Variants in RFX3 observed in about 807,000 individuals in gnomAD.
RFX3 encodes regulatory factor X3, also known as transcription factor RFX3.
RFX3 carries 14 observed loss-of-function variants against 98.6 expected under a neutral mutation model. That is an observed-to-expected ratio of 0.14 (90% confidence interval 0.09 to 0.22). The LOEUF is 0.22. RFX3 is among the 10% of genes least tolerant of loss of function. The pLI is 1.00. For missense variants in RFX3, 639 were observed against 926.9 expected (o/e 0.69, Z 4.03); for synonymous variants, 383 against 328.4 (o/e 1.17, Z -1.80).
intron 1 of RFX3, among the ~76,000 whole-genome samples, chr9:3,401,955 G>C (rs767229452): frequency 6.6e-6 from 1 of 152,166 alleles, no homozygotes; most frequent in African/African-American, 2.4e-5. Context: ...GTAAAACCTA[G>C]GCAAAGCAAA....
intron 11 of RFX3, among the ~76,000 whole-genome samples, chr9:3,266,643 A>G (rs1015950324): frequency 6.6e-6 from 1 of 152,014 alleles, no homozygotes; most frequent in East Asian, 1.9e-4. Flanking sequence ...CCTTTCATTA[A>G]CAGTTTTGTG....
intron 1 of RFX3, among the ~76,000 whole-genome samples, chr9:3,411,242 C>A (rs1218401111): frequency 2.0e-5 from 3 of 152,136 alleles, no homozygotes; most frequent in African/African-American, 7.2e-5. Flanking sequence ...TACATAAATT[C>A]TTTTTCAATT....
At chr9:3,311,790 A>C (rs1012252893) in intron 4 of RFX3, among the ~76,000 whole-genome samples, 1 of 152,172 alleles carries the variant, frequency 6.6e-6, no homozygotes, top group African/African-American at 2.4e-5. Flanking sequence ...AGGCTGAGGC[A>C]GGACAATCGC....
At chr9:3,523,047 C>A (rs557058911) in intron 1 of RFX3, among the ~76,000 whole-genome samples, 1 of 152,128 alleles carries the variant, frequency 6.6e-6, no homozygotes, top group South Asian at 2.1e-4. Flanking sequence ...TGCAAAACTT[C>A]TAGAAATTCA....
intron 2 of RFX3, among the ~76,000 whole-genome samples, chr9:3,383,059 A>G (rs1839356218): frequency 6.6e-6 from 1 of 152,166 alleles, no homozygotes; most frequent in African/African-American, 2.4e-5. Flanking sequence ...CTTTTAATAC[A>G]ACTTCAGATT....
intron 1 of RFX3, among the ~76,000 whole-genome samples, chr9:3,498,524 T>G (rs2081637673): frequency 6.6e-6 from 1 of 152,066 alleles, no homozygotes; most frequent in South Asian, 2.1e-4. Context: ...TACAGTACAC[T>G]TTTAAGTTGT....
chr9:3,356,670 A>T (rs984698391), intron 2 of RFX3, among the ~76,000 whole-genome samples: 1 of 151,966 alleles, frequency 6.6e-6, no homozygotes, highest in Non-Finnish European at 1.5e-5. Flanking sequence ...AAAAGACATT[A>T]CAAGAAAAGA....
rs1348913813 is a variant in RFX3, at chr9:3,221,956, G to T, written c.*3086C>A. Reference sequence around the variant, plus strand: ...GAAATACAAAGAAGTCTTAAAATGTGTACTTGTGTCATTTGTGAATAAATC... The same window carrying T: ...GAAATACAAAGAAGTCTTAAAATGTTTACTTGTGTCATTTGTGAATAAATC... On this transcript the variant is annotated 3_prime_UTR_variant, in exon 17 of 17. Coordinates refer to ENST00000617270, the MANE Select transcript of RFX3 (RefSeq NM_001282116.2). 6.6e-6 allele frequency: 1 copy of T among 152,084 alleles called. No homozygotes were observed. The highest frequency in any genetic ancestry group is 1.5e-5 in the Non-Finnish European group (1 of 67,994). The allele number at this position is 152,084 out of a possible 1,614,324, so 9.4% of individuals were successfully genotyped here.
intron 1 of RFX3, among the ~76,000 whole-genome samples, chr9:3,489,981 G>A (rs1398879936): frequency 6.6e-6 from 1 of 151,886 alleles, no homozygotes; most frequent in African/African-American, 2.4e-5. Flanking sequence ...ATTCTCTTCT[G>A]GTTTTTACAG....
At chr9:3,519,503 C>G (rs915645244) in intron 1 of RFX3, among the ~76,000 whole-genome samples, 1 of 152,130 alleles carries the variant, frequency 6.6e-6, no homozygotes, top group Non-Finnish European at 1.5e-5. Context: ...AAAGCCAACG[C>G]GTATTGAACA....
At chr9:3,507,334 G>A (rs1817200592) in intron 1 of RFX3, among the ~76,000 whole-genome samples, 1 of 151,794 alleles carries the variant, frequency 6.6e-6, no homozygotes, top group African/African-American at 2.4e-5. Context: ...AAATGACAAG[G>A]CAGAATTCAG....
chr9:3,315,717 C>A (rs1460742489), intron 4 of RFX3, among the ~76,000 whole-genome samples: 2 of 152,170 alleles, frequency 1.3e-5, no homozygotes, highest in African/African-American at 2.4e-5. Context: ...CATAGAAATA[C>A]AAACTACCAT....
At chr9:3,329,431 A>AAAAC in intron 4 of RFX3, among the ~76,000 whole-genome samples, 1 of 150,412 alleles carries the variant, frequency 6.6e-6, no homozygotes, top group African/African-American at 2.5e-5. Context: ...AAAAAAAACA[A>AAAAC]AAAACCACCA....
chr9:3,248,616 G>GA (rs1008459528), intron 14 of RFX3, among the ~76,000 whole-genome samples: 2 of 152,128 alleles, frequency 1.3e-5, no homozygotes. Context: ...GTAGGCCTTA[G>GA]AAAAAAGATG....
intron 1 of RFX3, among the ~76,000 whole-genome samples, chr9:3,511,032 T>C (rs1157366737): frequency 1.3e-5 from 2 of 152,034 alleles, no homozygotes; most frequent in Non-Finnish European, 2.9e-5. Flanking sequence ...CTAGTGACTC[T>C]GTACAGAAAT....
intron 13 of RFX3, among the ~76,000 whole-genome samples, chr9:3,259,044 A>T (rs1051123605): frequency 6.6e-6 from 1 of 152,040 alleles, no homozygotes; most frequent in Non-Finnish European, 1.5e-5. Flanking sequence ...TTGTCCACTG[A>T]ATGAATTTGT....
chr9:3,259,688 T>A (rs1586775550), intron 13 of RFX3, among the ~76,000 whole-genome samples: 1 of 151,952 alleles, frequency 6.6e-6, no homozygotes, highest in Non-Finnish European at 1.5e-5. Context: ...AATTATGCCA[T>A]CGTAATACTA....
intron 2 of RFX3, among the ~76,000 whole-genome samples, chr9:3,387,634 T>G (rs1215475654): frequency 2.6e-5 from 4 of 152,016 alleles, no homozygotes; most frequent in Admixed American, 6.6e-5. Flanking sequence ...TGTCTTTTTT[T>G]TTTTCAAAAA....
intron 4 of RFX3, among the ~76,000 whole-genome samples, chr9:3,327,922 T>C (rs1832114948): frequency 6.6e-6 from 1 of 152,022 alleles, no homozygotes; most frequent in Admixed American, 6.6e-5. Flanking sequence ...CCTCAAACTA[T>C]AAAGGTTAGC....
Sources: gnomAD v4.1 joint callset for allele counts (sites outside exome capture counted in the v4.1 genomes callset) on GRCh38, gnomAD v4.1.1 for gene constraint, MANE v1.5 for transcripts, NCBI Gene and HGNC (gene_info 2026-07-23, HGNC 2026-07-21) for gene names.